The following MSRB3 variants were observed in gnomAD, a reference collection of about 807,000 sequenced individuals.
MSRB3 encodes the protein methionine-R-sulfoxide reductase B3.
In MSRB3, 13 loss-of-function variants were observed where a neutral mutation model predicts 21.0. The observed-to-expected ratio is 0.62, with a 90% CI of 0.40 to 0.98. The LOEUF is 0.98. MSRB3 is among the 50% of genes least tolerant of loss of function. MSRB3 has a pLI of 0.00. For synonymous variants in MSRB3, 87 were observed against 88.6 expected (o/e 0.98, Z 0.10); for missense variants, 199 against 230.3 (o/e 0.86, Z 0.88).
intron 4 of MSRB3, among the ~76,000 whole-genome samples, chr12:65,329,063 C>T (rs932409076): frequency 2.6e-5 from 4 of 152,184 alleles, no homozygotes; most frequent in Non-Finnish European, 5.9e-5. Flanking sequence ...AACATGGGAA[C>T]ATACCTTTAC....
chr12:65,296,378 A>C (rs1355028849), intron 1 of MSRB3, among the ~76,000 whole-genome samples: 1 of 152,198 alleles, frequency 6.6e-6, no homozygotes, highest in African/African-American at 2.4e-5. Flanking sequence ...CAATCTCCAT[A>C]AGGGAAGTAA....
chr12:65,311,557 A>G (rs1873987923), intron 2 of MSRB3, among the ~76,000 whole-genome samples: 1 of 152,118 alleles, frequency 6.6e-6, no homozygotes, highest in Non-Finnish European at 1.5e-5. Flanking sequence ...TTTGAAAAAT[A>G]AAGATGAAAT....
At chr12:65,368,007 C>T (rs775950584) in intron 4 of MSRB3, among the ~76,000 whole-genome samples, 2 of 151,970 alleles carry the variant, frequency 1.3e-5, no homozygotes, top group African/African-American at 4.8e-5. Flanking sequence ...TGTTTATGAC[C>T]AAGGAAGCTT....
At chr12:65,296,164 A>G (rs958327944) in intron 1 of MSRB3, among the ~76,000 whole-genome samples, 56 of 152,350 alleles carry the variant, frequency 3.7e-4, no homozygotes, top group Middle Eastern at 3.4e-3. Flanking sequence ...TTTGTCAAAT[A>G]TAATGATTTC....
chr12:65,279,204 G>C, intron 1 of MSRB3: 1 of 525,470 alleles, frequency 1.9e-6, no homozygotes, highest in Non-Finnish European at 2.7e-6. Flanking sequence ...AGAGGGATCT[G>C]GCGGGGCAGC....
intron 2 of MSRB3, among the ~76,000 whole-genome samples, chr12:65,309,235 T>C (rs759299477): frequency 6.6e-6 from 1 of 152,244 alleles, no homozygotes; most frequent in Non-Finnish European, 1.5e-5. Flanking sequence ...TTTAAGAATT[T>C]AAATAAGTGA....
intron 1 of MSRB3, among the ~76,000 whole-genome samples, chr12:65,306,231 A>G (rs1873646600): frequency 6.6e-6 from 1 of 152,210 alleles, no homozygotes. Flanking sequence ...GCAAACATTA[A>G]TTAGGTGGAA....
At chr12:65,294,539 C>G (rs1872841603) in intron 1 of MSRB3, among the ~76,000 whole-genome samples, 1 of 152,128 alleles carries the variant, frequency 6.6e-6, no homozygotes, top group African/African-American at 2.4e-5. Context: ...TGGGTGAGCT[C>G]TCTTTTGAAA....
At chr12:65,375,903 A>G (rs971975950) in intron 5 of MSRB3, among the ~76,000 whole-genome samples, 1 of 150,448 alleles carries the variant, frequency 6.6e-6, no homozygotes, top group Non-Finnish European at 1.5e-5. Context: ...TACTTTTTAG[A>G]AAGTCTATTA....
chr12:65,418,706 C>G lies in MSRB3; in HGVS notation c.293-35022C>G, dbSNP rs192298293. ...TTGGCTTCCAGCTCCCCAGAGAGTA[C>G]CCTGCTTCTGCTGGCTTAATGTCTC... On this transcript the variant is annotated intron_variant, in intron 5 of 6. Transcript: ENST00000308259. 6,600 of 815,908 alleles carry G rather than the reference C, an allele frequency of 8.1e-3. 62 individuals carry two copies. Among genetic ancestry groups the G allele is most frequent in the Middle Eastern group, 0.027 (79 of 2,954 alleles). The allele number at this position is 815,908 out of a possible 1,614,324, so 50.5% of individuals were successfully genotyped here. A position where few individuals can be genotyped will look rare whatever the true frequency, so the allele number is the denominator to read the frequency against.
At chr12:65,457,275 G>T (rs981988358) in intron 6 of MSRB3, among the ~76,000 whole-genome samples, 2 of 151,930 alleles carry the variant, frequency 1.3e-5, no homozygotes, top group African/African-American at 2.4e-5. Flanking sequence ...GAACGTGCAG[G>T]TTTGTTACAT....
chr12:65,399,252 T>C (rs1879984529), intron 5 of MSRB3, among the ~76,000 whole-genome samples: 1 of 152,208 alleles, frequency 6.6e-6, no homozygotes, highest in South Asian at 2.1e-4. Context: ...GGAATGTTTT[T>C]CCCTTTGTTT....
At chr12:65,304,862 A>G (rs1873555384) in intron 1 of MSRB3, among the ~76,000 whole-genome samples, 1 of 152,216 alleles carries the variant, frequency 6.6e-6, no homozygotes. Flanking sequence ...TTGGTCCTCA[A>G]AAGTACATTG....
At chr12:65,330,266 T>A (rs1875323799) in intron 4 of MSRB3, among the ~76,000 whole-genome samples, 1 of 152,238 alleles carries the variant, frequency 6.6e-6, no homozygotes, top group Middle Eastern at 3.2e-3. Context: ...AAGACCCTTA[T>A]CCAAACATAG....
intron 4 of MSRB3, among the ~76,000 whole-genome samples, chr12:65,333,219 G>A (rs1051021676): frequency 1.3e-5 from 2 of 152,052 alleles, no homozygotes; most frequent in African/African-American, 2.4e-5. Flanking sequence ...TTTCCTCAAC[G>A]TACTTACTTT....
chr12:65,356,821 G>A (rs1213827661), intron 4 of MSRB3, among the ~76,000 whole-genome samples: 2 of 151,648 alleles, frequency 1.3e-5, no homozygotes, highest in Non-Finnish European at 2.9e-5. Context: ...TTGGGCCCAG[G>A]GAACAAGTGG....
Position 65,344,449 on chromosome 12 carries a change from A to C in MSRB3, c.263+15846A>C, listed in dbSNP as rs1271566940. ...ACTCAGGAGACAATGGATAATTGATAGTTTTAATAGCTTACCAAATGGCCA... is the reference window on the plus strand; with the variant it reads ...ACTCAGGAGACAATGGATAATTGATCGTTTTAATAGCTTACCAAATGGCCA... On this transcript the variant is annotated intron_variant, in intron 4 of 6. Coordinates refer to ENST00000308259, the MANE Select transcript of MSRB3 (RefSeq NM_001031679.3). 2.0e-5 allele frequency among the ~76,000 whole-genome samples: 3 copies of C among 152,162 alleles called. No individual in the cohort carries two copies. The East Asian group carries it at 5.8e-4, about 30-fold the overall frequency.
At chr12:65,282,676 G>GTTTTTTTTT (rs796149617) in intron 1 of MSRB3, among the ~76,000 whole-genome samples, 8 of 133,770 alleles carry the variant, frequency 6.0e-5, no homozygotes, top group Non-Finnish European at 6.4e-5. Context: ...CTTTGCTGGT[G>GTTTTTTTTT]TTTTTTTTTT....
At chr12:65,367,232 G>A (rs1009937887) in intron 4 of MSRB3, among the ~76,000 whole-genome samples, 1 of 152,130 alleles carries the variant, frequency 6.6e-6, no homozygotes, top group African/African-American at 2.4e-5. Flanking sequence ...AGATGAAAGA[G>A]GGATAACAAA....
Sources: allele counts gnomAD v4.1 joint callset (sites outside exome capture counted in the v4.1 genomes callset), GRCh38; gene constraint gnomAD v4.1.1; transcripts MANE v1.5; gene names NCBI Gene and HGNC (gene_info 2026-07-23, HGNC 2026-07-21).